CACNA2D4: variants seen among roughly 807,000 people sequenced by gnomAD.
CACNA2D4 encodes voltage-dependent calcium channel subunit alpha-2/delta-4.
A neutral mutation model predicts 163.8 loss-of-function variants in CACNA2D4; 157 were observed. The observed-to-expected ratio is 0.96, with a 90% CI of 0.84 to 1.09. The LOEUF is 1.09. Among genes scored for constraint, CACNA2D4 ranks in the 50% least tolerant of loss-of-function variants. The pLI, the probability that CACNA2D4 is intolerant of heterozygous loss-of-function variation, is 0.00. For missense variants in CACNA2D4, 1,410 were observed against 1,479.9 expected, an observed-to-expected ratio of 0.95 and a Z score of 0.78; for synonymous variants, 598 against 586.9, an observed-to-expected ratio of 1.02 and a Z score of -0.27.
rs1351908898 is a variant in CACNA2D4, at chr12:1,844,361, T to C, written c.2470+41A>G. On this transcript the variant is annotated intron_variant, in intron 25 of 37. Transcript: ENST00000382722. This position sits in a 1 kb window ranked among gnomAD's most constrained non-coding sequence, Gnocchi z 4.2. The stretch of plus-strand genomic sequence containing the variant: ...AGCAGGAGGAGAGATGAGACTGGCC[T>C]GAGACTGGCCCAGCCCCGGGAGCAC... The C allele has an allele frequency of 2.5e-6, 4 of 1,606,854 alleles. No individual in the cohort carries two copies. In the East Asian group the frequency reaches 6.7e-5, roughly 27 times the overall value.
chr12:1,900,672 G>A (rs1007081492), intron 6 of CACNA2D4, among the ~76,000 whole-genome samples: 2 of 152,034 alleles, frequency 1.3e-5, no homozygotes, highest in South Asian at 2.1e-4. Context: ...AAATATATAT[G>A]CACCCCACAC....
intron 26 of CACNA2D4, among the ~76,000 whole-genome samples, chr12:1,818,331 C>T (rs11614055): frequency 7.2e-5 from 11 of 151,774 alleles, no homozygotes; most frequent in East Asian, 1.9e-4. Flanking sequence ...AATAGAAAGG[C>T]GGGAAAGGTG....
At chr12:1,859,735 T>G (rs1230420781) in intron 19 of CACNA2D4, among the ~76,000 whole-genome samples, 1 of 152,218 alleles carries the variant, frequency 6.6e-6, no homozygotes, top group Non-Finnish European at 1.5e-5. Flanking sequence ...AGGTGACGCA[T>G]CAGTAAAGCA....
intron 18 of CACNA2D4, among the ~76,000 whole-genome samples, chr12:1,871,300 G>A (rs1865770923): frequency 6.6e-6 from 1 of 151,772 alleles, no homozygotes; most frequent in Non-Finnish European, 1.5e-5. Context: ...TGTTGCTGGT[G>A]TGTGTGTATA....
At chr12:1,813,462 C>T (rs1054984234) in intron 26 of CACNA2D4, among the ~76,000 whole-genome samples, 6 of 152,210 alleles carry the variant, frequency 3.9e-5, no homozygotes, top group African/African-American at 1.2e-4. Flanking sequence ...AACAGCCACA[C>T]GTGGCTACTG....
intron 2 of CACNA2D4, 65 bp from the exon 3 acceptor site, chr12:1,913,204 A>G: frequency 9.0e-7 from 1 of 1,105,212 alleles, no homozygotes; most frequent in South Asian, 1.3e-5. Context: ...GCACCTGTGT[A>G]TGCATGGCCT....
intron 26 of CACNA2D4, among the ~76,000 whole-genome samples, chr12:1,839,221 A>G (rs1047862250): frequency 2.0e-5 from 3 of 152,168 alleles, no homozygotes; most frequent in Admixed American, 6.5e-5. Flanking sequence ...CCTCGGTTAC[A>G]AGGCAGGTGC....
At chr12:1,855,120 C>T (rs1865370821) in intron 22 of CACNA2D4, among the ~76,000 whole-genome samples, 2 of 152,162 alleles carry the variant, frequency 1.3e-5, no homozygotes, top group Admixed American at 6.5e-5. Context: ...CAATTTATAA[C>T]AACCTATATC....
rs560948607 is a variant in CACNA2D4, at chr12:1,798,034, C to T, written c.2996-499G>A. ...CCACACTCCACCCATTGAGCCTGAGCGCCTGCGGTGGGGGCAGCCGGGCAG... is the reference window on the plus strand; with the variant it reads ...CCACACTCCACCCATTGAGCCTGAGTGCCTGCGGTGGGGGCAGCCGGGCAG... On this transcript the variant is annotated intron_variant, in intron 34 of 37. Transcript: ENST00000382722. This position sits in a 1 kb window ranked among gnomAD's most constrained non-coding sequence, Gnocchi z 4.3. Among the ~76,000 whole-genome samples, 1 of 151,942 alleles carries T rather than the reference C, an allele frequency of 6.6e-6. No individual in the cohort carries two copies. The highest frequency in any genetic ancestry group is 2.4e-5 in the African/African-American group (1 of 41,370).
At chr12:1,898,070 T>A (rs1243485454) in intron 6 of CACNA2D4, among the ~76,000 whole-genome samples, 2 of 152,184 alleles carry the variant, frequency 1.3e-5, no homozygotes. Context: ...TATAAATATT[T>A]ATCTACATTC....
intron 18 of CACNA2D4, among the ~76,000 whole-genome samples, chr12:1,862,966 T>G (rs1037082145): frequency 2.6e-5 from 4 of 152,250 alleles, no homozygotes; most frequent in African/African-American, 9.6e-5. Context: ...TTATTTCATG[T>G]TTAGTGCTTT....
At chr12:1,908,149 A>C in intron 4 of CACNA2D4, 112 bp from the exon 5 acceptor site, 1 of 1,172,314 alleles carries the variant, frequency 8.5e-7, no homozygotes, top group Non-Finnish European at 1.2e-6. Context: ...CCGGGCGGCC[A>C]TCAGAGTCTA....
Position 1,801,643 on chromosome 12 carries a change from G to A in CACNA2D4, c.2723C>T (p.Thr908Met), listed in dbSNP as rs553620421. Reference protein sequence around the residue: ...FILISKRSRETGRFLGEVDGA... With the variant: ...FILISKRSREMGRFLGEVDGA... ...ATCCACCTCCCCCAGAAATCTTCCC[G>A]TCTGTGAGAGAGGGACAGCAGAGAG... The change falls in exon 30 of 38, where the codon ACG becomes ATG. Residue 908 changes from threonine (T) to methionine (M), a missense_variant and splice_region_variant. Thr to Met is a moderately conservative substitution (Grantham distance 81). Coordinates refer to ENST00000382722, the MANE Select transcript of CACNA2D4 (RefSeq NM_172364.5). 160 of 1,580,202 alleles carry A rather than the reference G, an allele frequency of 1.0e-4. 3 individuals carry two copies. Among genetic ancestry groups the A allele is most frequent in the Middle Eastern group, 1.7e-4 (1 of 6,014 alleles).
chr12:1,796,512 C>T (rs557548705), intron 35 of CACNA2D4, among the ~76,000 whole-genome samples: 170 of 152,366 alleles, frequency 1.1e-3, no homozygotes, highest in African/African-American at 4.0e-3. Flanking sequence ...AGTGTCTACT[C>T]TGAAGCCCTC....
intron 26 of CACNA2D4, among the ~76,000 whole-genome samples, chr12:1,815,644 A>C (rs1863851011): frequency 6.9e-6 from 1 of 144,274 alleles, no homozygotes; most frequent in Non-Finnish European, 1.5e-5. Flanking sequence ...TTCTTGAGCT[A>C]CGTAAGCAAA....
rs764357898 is a variant in CACNA2D4, at chr12:1,828,982, T to C, written c.2551+11757A>G. 1.3e-5 allele frequency among the ~76,000 whole-genome samples: 2 copies of C among 152,228 alleles called. No homozygotes were observed. The highest frequency in any genetic ancestry group is 4.8e-5 in the African/African-American group (2 of 41,452). Reference sequence around the variant, plus strand: ...CGGTCCCGCGGGACGGCATTCCGCCTGACTTCCCGCTCTGATCCAGCACCC... The same window carrying C: ...CGGTCCCGCGGGACGGCATTCCGCCCGACTTCCCGCTCTGATCCAGCACCC... On this transcript the variant is annotated intron_variant, in intron 26 of 37. Transcript: ENST00000382722. This position sits in a 1 kb window ranked among gnomAD's most constrained non-coding sequence, Gnocchi z 4.2.
At chr12:1,819,001 TAAAAA>T (rs34331462) in intron 26 of CACNA2D4, among the ~76,000 whole-genome samples, 1 of 127,564 alleles carries the variant, frequency 7.8e-6, no homozygotes, top group Non-Finnish European at 1.6e-5. Context: ...CTAAAAAAAT[TAAAAA>T]AAAAAAAAAA....
chr12:1,831,846 T>A (rs184030297), intron 26 of CACNA2D4, among the ~76,000 whole-genome samples: 24 of 146,836 alleles, frequency 1.6e-4, no homozygotes, highest in Admixed American at 5.5e-4. Flanking sequence ...TTAGGTTACA[T>A]AAGGGCAGTA....
In CACNA2D4 at chr12:1,853,645, G is replaced by A. The variant is rs529416593; in HGVS notation, c.2246+306C>T. ...GGATTTCTAAGGGGCTGGGAAAACC[G>A]AGGTCAAGTTCATTGGTGCCATGAC... On this transcript the variant is annotated intron_variant, in intron 23 of 37. Transcript: ENST00000382722. Among the ~76,000 whole-genome samples, 19 of 152,268 alleles carry A rather than the reference G, an allele frequency of 1.2e-4. No homozygotes were observed. The East Asian group carries it at 1.4e-3, about 11-fold the overall frequency.
Sources: gnomAD v4.1 joint callset for allele counts (sites outside exome capture counted in the v4.1 genomes callset) on GRCh38, gnomAD v4.1.1 for gene constraint, Gnocchi (gnomAD v3.1) non-coding constraint, MANE v1.5 for transcripts, NCBI Gene and HGNC (gene_info 2026-07-23, HGNC 2026-07-21) for gene names.